Variants in NUP210 observed in about 807,000 individuals in gnomAD.
NUP210 encodes the protein nuclear pore membrane glycoprotein 210.
In NUP210, 151 loss-of-function variants were observed where a neutral mutation model predicts 196.0. That is an observed-to-expected ratio of 0.77 (90% CI 0.67 to 0.88). NUP210 has a LOEUF of 0.88. NUP210 is among the 40% of genes least tolerant of loss of function. The pLI, the probability that NUP210 is intolerant of heterozygous loss-of-function variation, is 0.00. For synonymous variants in NUP210, 1,070 were observed against 1,052.7 expected, an observed-to-expected ratio of 1.02 and a Z score of -0.32; for missense variants, 2,314 against 2,493.7, an observed-to-expected ratio of 0.93 and a Z score of 1.53.
Position 13,420,119 on chromosome 3 carries a change from G to C in NUP210, c.108C>G (p.Pro36=), listed in dbSNP as rs756183682. 1.4e-6 allele frequency: 2 copies of C among 1,380,616 alleles called. No individual in the cohort carries two copies. Among genetic ancestry groups the C allele is most frequent in the Non-Finnish European group, 1.9e-6 (2 of 1,046,340 alleles). The allele number at this position is 1,380,616 out of a possible 1,614,324, so 85.5% of individuals were successfully genotyped here. A position where few individuals can be genotyped will look rare whatever the true frequency, so the allele number is the denominator to read the frequency against. Residue 36 remains proline, a synonymous_variant, in exon 1 of 40, where the codon CCC becomes CCG. Transcript: ENST00000254508. The surrounding 1 kb of genome is among the most constrained non-coding windows in gnomAD (Gnocchi z 4.8). ...AGTTAACGCGCGTGGCCCGCGTGAA[G>C]GGCAGCAGCACTTTGGGGATGTTGA... ...AKLNIPKVLL[P]FTRATRVNFT...
intron 6 of NUP210, among the ~76,000 whole-genome samples, chr3:13,382,245 C>T (rs1027745003): frequency 6.6e-6 from 1 of 152,198 alleles, no homozygotes. Context: ...TGTCTGCAAC[C>T]AATCCAAACA....
At position 13,339,946 on chromosome 3, in the gene NUP210, G is replaced by A; in HGVS notation, c.3379C>T (p.Leu1127=). ...ESVALVSAAG[L]VQGLAIGNGT... ...TTCCCGATGGCGAGGCCCTGTACCA[G>A]CCCAGCAGCGCTCACCAGCGCAACG... is the stretch of plus-strand genomic sequence containing the variant. Residue 1127 remains leucine (L), a synonymous_variant, in exon 25 of 40, where the codon CTG becomes TTG. Transcript: ENST00000254508. The A allele has an allele frequency of 1.2e-6, 2 of 1,614,018 alleles. No individual in the cohort carries two copies. Among genetic ancestry groups the A allele is most frequent in the Non-Finnish European group, 1.7e-6 (2 of 1,180,028 alleles).
chr3:13,376,210 TG>T lies in NUP210; in HGVS notation c.1293+80del. 1.3e-6 allele frequency: 2 copies of T among 1,485,734 alleles called. 1 individual carries two copies. Among genetic ancestry groups the T allele is most frequent in the Non-Finnish European group, 1.9e-6 (2 of 1,076,624 alleles). 92.0% of individuals were successfully genotyped at this position (1,485,734 alleles called of 1,614,324 possible). ...AGGTGGCCCAACTCCCTGGGACTCA[TG>T]GCCCTCCTGGGCTGACATTTCTGCC... is the stretch of plus-strand genomic sequence containing the variant. On this transcript the variant is annotated intron_variant, in intron 10 of 39. Coordinates refer to ENST00000254508, the MANE Select transcript of NUP210 (RefSeq NM_024923.4).
chr3:13,380,510 C>T (rs558361230), intron 6 of NUP210, among the ~76,000 whole-genome samples: 6 of 152,302 alleles, frequency 3.9e-5, no homozygotes, highest in East Asian at 1.9e-4. Flanking sequence ...CTCACCATTG[C>T]GCAGCTAGTG....
chr3:13,380,246 TGGA>T (rs1699057123), intron 6 of NUP210, among the ~76,000 whole-genome samples: 1 of 152,160 alleles, frequency 6.6e-6, no homozygotes, highest in East Asian at 1.9e-4. Context: ...TGGGCTAGGA[TGGA>T]GAAGAGTTTC....
chr3:13,342,160 A>G (rs1299524287), intron 21 of NUP210, 37 bp from the exon 22 acceptor site: 4 of 1,612,368 alleles, frequency 2.5e-6, no homozygotes, highest in Non-Finnish European at 3.4e-6. Context: ...GGCAGCCTCC[A>G]AAAGACCAAT....
At chr3:13,370,369 G>C (rs1698689593) in intron 13 of NUP210, among the ~76,000 whole-genome samples, 1 of 152,192 alleles carries the variant, frequency 6.6e-6, no homozygotes, top group African/African-American at 2.4e-5. Flanking sequence ...CAATAAGCAA[G>C]AGCTGTCATC....
Position 13,321,513 on chromosome 3 carries a change from T to C in NUP210, c.5166+72A>G, listed in dbSNP as rs140195001. The stretch of plus-strand genomic sequence containing the variant: ...GCTGGCCCAGGACATCCACACCACA[T>C]TCCCTCTTCCTCCAGGGCCTTCCTG... On this transcript the variant is annotated intron_variant, in intron 36 of 39. Transcript: ENST00000254508. The C allele has an allele frequency of 3.4e-4, 517 of 1,528,562 alleles. 3 individuals are homozygous for C. In the African/African-American group the frequency reaches 6.0e-3, roughly 18 times the overall value. 94.7% of individuals were successfully genotyped at this position (1,528,562 alleles called of 1,614,324 possible).
rs1171181434 is a variant in NUP210 at position 13,341,810 on chromosome 3, G to T, written c.3166C>A (p.Leu1056Ile). 1.2e-6 allele frequency: 2 copies of T among 1,614,110 alleles called. No homozygotes were observed. Among genetic ancestry groups the T allele is most frequent in the South Asian group, 1.1e-5 (1 of 91,078 alleles). Residue 1056 changes from leucine to isoleucine, a missense_variant, in exon 23 of 40, where the codon CTA (leucine) becomes ATA (isoleucine). Transcript: ENST00000254508. Reference sequence around the variant, plus strand: ...GCTTTATTGGTCACACTTGCAGTTAGACTGGTCTGGCCGATGGCCACACCG... The same window carrying T: ...GCTTTATTGGTCACACTTGCAGTTATACTGGTCTGGCCGATGGCCACACCG... ...IRGVAIGQTSLTASVTNKAGQ... is the reference protein window; with the variant it reads ...IRGVAIGQTSITASVTNKAGQ...
intron 1 of NUP210, among the ~76,000 whole-genome samples, chr3:13,401,118 G>A (rs1699820794): frequency 6.6e-6 from 1 of 151,824 alleles, no homozygotes; most frequent in Admixed American, 6.6e-5. Flanking sequence ...AATTAACCAG[G>A]CTTGGTGGCA....
chr3:13,391,514 G>A (rs932114679), intron 3 of NUP210, among the ~76,000 whole-genome samples: 2 of 151,464 alleles, frequency 1.3e-5, no homozygotes, highest in East Asian at 3.9e-4. Context: ...ACCAGGGGGC[G>A]AGGCCAGAAT....
intron 14 of NUP210, among the ~76,000 whole-genome samples, chr3:13,363,800 C>T (rs534034978): frequency 4.9e-4 from 74 of 152,338 alleles, no homozygotes; most frequent in African/African-American, 1.7e-3. Context: ...CCCTGAGGGA[C>T]ATGTCTACCT....
rs1697173055 is a variant in NUP210 at position 13,335,449 on chromosome 3, C to T, written c.3843+5G>A. ...TTCCCTGTGGCCTTTCCACCTGCCT[C>T]CTACCTGGACTTGGATCTCATCCGA... is the stretch of plus-strand genomic sequence containing the variant. On this transcript the variant is annotated splice_donor_5th_base_variant and intron_variant, in intron 28 of 39. Coordinates refer to ENST00000254508, the MANE Select transcript of NUP210 (RefSeq NM_024923.4). 1 of 1,610,992 alleles carries T rather than the reference C, an allele frequency of 6.2e-7. No individual in the cohort carries two copies. Among genetic ancestry groups the T allele is most frequent in the Non-Finnish European group, 8.5e-7 (1 of 1,177,508 alleles).
At chr3:13,346,013 G>A (rs1340732083) in intron 20 of NUP210, among the ~76,000 whole-genome samples, 1 of 152,246 alleles carries the variant, frequency 6.6e-6, no homozygotes, top group Non-Finnish European at 1.5e-5. Context: ...ACAGGGCAAT[G>A]CAGGGAAGGG....
At chr3:13,366,135 T>C in intron 13 of NUP210, 44 bp from the exon 14 acceptor site, 2 of 1,589,788 alleles carry the variant, frequency 1.3e-6, no homozygotes, top group Non-Finnish European at 1.7e-6. Flanking sequence ...AAATCACTTT[T>C]TTCTTTTTTT....
chr3:13,349,596 G>C (rs1241324492), intron 20 of NUP210, among the ~76,000 whole-genome samples: 1 of 152,246 alleles, frequency 6.6e-6, no homozygotes, highest in Non-Finnish European at 1.5e-5. Context: ...GGTGTCACCA[G>C]AGAGAGATGC....
Position 13,342,023 on chromosome 3 carries a change from C to A in NUP210, c.3065G>T (p.Arg1022Leu). The A allele has an allele frequency of 6.2e-7, 1 of 1,614,148 alleles. No homozygotes were observed. The highest frequency in any genetic ancestry group is 1.1e-5 in the South Asian group (1 of 91,080). The change falls in exon 22 of 40, where the codon CGA becomes CTA. Residue 1022 changes from arginine (R) to leucine (L), a missense_variant. Physicochemically the swap from Arg to Leu is moderately radical, Grantham distance 102. Transcript: ENST00000254508. ...CAATGTAATGATCGGGGAGGCTGCT[C>A]GGAGCTTCAGGTCCATAAAGGGGAA... ...KYFPFMDLKLRAASPIITLVA... is the reference protein window; with the variant it reads ...KYFPFMDLKLLAASPIITLVA...
chr3:13,367,541 A>G (rs1374973071), intron 13 of NUP210, among the ~76,000 whole-genome samples: 1 of 152,110 alleles, frequency 6.6e-6, no homozygotes, highest in African/African-American at 2.4e-5. Flanking sequence ...CAAATAGAAT[A>G]TTATCTGTAC....
At chr3:13,318,807 A>ATGCACTC (rs1425141239) in intron 39 of NUP210, among the ~76,000 whole-genome samples, 1 of 152,150 alleles carries the variant, frequency 6.6e-6, no homozygotes, top group Non-Finnish European at 1.5e-5. Flanking sequence ...CAGTCCTAGC[A>ATGCACTC]TGCACTCCTG....
Sources: allele counts gnomAD v4.1 joint callset (sites outside exome capture counted in the v4.1 genomes callset), GRCh38; gene constraint gnomAD v4.1.1; non-coding constraint Gnocchi (gnomAD v3.1); transcripts MANE v1.5; gene names NCBI Gene and HGNC (gene_info 2026-07-23, HGNC 2026-07-21).